Variants in PCDH11X observed in about 807,000 individuals in gnomAD.
The protein encoded by PCDH11X is protocadherin 11 X-linked.
A neutral mutation model predicts 53.3 loss-of-function variants in PCDH11X; 18 were observed. That is an observed-to-expected ratio of 0.34 (90% CI 0.23 to 0.50). PCDH11X has a LOEUF of 0.50. PCDH11X is among the 20% of genes least tolerant of loss of function. PCDH11X has a pLI of 0.98. For missense variants in PCDH11X, 570 were observed against 1,032.4 expected (o/e 0.55, Z 6.14); for synonymous variants, 279 against 393.3 (o/e 0.71, Z 3.44).
chrX:92,133,422 A>G (rs1235970896), intron 6 of PCDH11X, among the ~76,000 whole-genome samples: 4 of 111,195 alleles, frequency 3.6e-5, no homozygotes, highest in East Asian at 2.8e-4. Context: ...GCTGGAGTGC[A>G]ATGGGACAAC....
intron 6 of PCDH11X, among the ~76,000 whole-genome samples, chrX:91,929,286 A>T (rs1220903106): frequency 9.0e-6 from 1 of 110,882 alleles, no homozygotes; most frequent in African/African-American, 3.3e-5. Flanking sequence ...TTTACAGTCT[A>T]CCTGACAGTC....
At chrX:92,303,489 A>C (rs1417764282) in intron 8 of PCDH11X, among the ~76,000 whole-genome samples, 1 of 111,315 alleles carries the variant, frequency 9.0e-6, no homozygotes, top group Non-Finnish European at 1.9e-5. Flanking sequence ...CCTCCAACTG[A>C]GGTAAATATA....
At chrX:92,484,452 A>G (rs780491574) in intron 10 of PCDH11X, among the ~76,000 whole-genome samples, 2 of 105,068 alleles carry the variant, frequency 1.9e-5, no homozygotes, top group Admixed American at 2.2e-4. Context: ...CATCCATGCC[A>G]ACATCTATTA....
chrX:92,439,371 C>A (rs1055324087), intron 9 of PCDH11X, among the ~76,000 whole-genome samples: 4 of 110,794 alleles, frequency 3.6e-5, no homozygotes, highest in African/African-American at 1.3e-4. Flanking sequence ...AAAATGTGAC[C>A]TGAATTTGGA....
intron 6 of PCDH11X, among the ~76,000 whole-genome samples, chrX:91,905,751 A>G (rs1464970137): frequency 4.5e-5 from 5 of 111,217 alleles, no homozygotes; most frequent in Non-Finnish European, 9.4e-5. Context: ...TAAGGTATGA[A>G]ATGACACATC....
intron 6 of PCDH11X, among the ~76,000 whole-genome samples, chrX:92,052,978 T>G (rs1268844430): frequency 2.7e-5 from 3 of 111,656 alleles, no homozygotes; most frequent in Non-Finnish European, 5.7e-5. Context: ...AGCAGAAATA[T>G]TTCCTCAGTA....
chrX:92,568,960 C>A (rs1602351718), intron 10 of PCDH11X, among the ~76,000 whole-genome samples: 1 of 111,874 alleles, frequency 8.9e-6, no homozygotes, highest in East Asian at 2.8e-4. Context: ...AAGTTCAATT[C>A]TCTCTCATGT....
At chrX:92,511,051 A>G (rs1488720867) in intron 10 of PCDH11X, among the ~76,000 whole-genome samples, 2 of 111,538 alleles carry the variant, frequency 1.8e-5, no homozygotes, top group Admixed American at 9.6e-5. Context: ...TTAGGAATAG[A>G]AAAGGATGGC....
At chrX:92,282,009 A>G (rs543025205) in intron 8 of PCDH11X, among the ~76,000 whole-genome samples, 1 of 110,786 alleles carries the variant, frequency 9.0e-6, no homozygotes, top group Non-Finnish European at 1.9e-5. Context: ...CTGAATTACT[A>G]TGAGGAAAAT....
chrX:92,382,799 G>A (rs12393062), intron 8 of PCDH11X, among the ~76,000 whole-genome samples: 41,341 of 102,266 alleles, frequency 0.4, 7,805 homozygotes, highest in Non-Finnish European at 0.46. Context: ...TAAAGTCACT[G>A]TTCCAGTCAA....
chrX:91,963,230 T>C (rs1188488387), intron 6 of PCDH11X, among the ~76,000 whole-genome samples: 2 of 111,119 alleles, frequency 1.8e-5, no homozygotes. Flanking sequence ...TCAACATAAG[T>C]TCCAATTCCA....
At chrX:92,271,284 C>T (rs2067951527) in intron 8 of PCDH11X, among the ~76,000 whole-genome samples, 1 of 112,199 alleles carries the variant, frequency 8.9e-6, no homozygotes, top group South Asian at 3.7e-4. Flanking sequence ...AAAATGACAG[C>T]TCTAAAGAAA....
At chrX:92,319,181 G>C (rs2069144750) in intron 8 of PCDH11X, among the ~76,000 whole-genome samples, 1 of 111,335 alleles carries the variant, frequency 9.0e-6, no homozygotes, top group Non-Finnish European at 1.9e-5. Flanking sequence ...CTTTCCTTTT[G>C]TTCATGTTTG....
chrX:92,053,189 T>A (rs192955225), intron 6 of PCDH11X, among the ~76,000 whole-genome samples: 2,031 of 111,322 alleles, frequency 0.018, 51 homozygotes, highest in African/African-American at 0.063. Flanking sequence ...ATTGCCTGTG[T>A]GCTTTATTGC....
At chrX:92,175,776 G>GTGTGTGTGTATA (rs779454685) in intron 6 of PCDH11X, among the ~76,000 whole-genome samples, 1 of 79,278 alleles carries the variant, frequency 1.3e-5, no homozygotes, top group African/African-American at 4.4e-5. Flanking sequence ...GTGTGTGTGT[G>GTGTGTGTGTATA]TATATATATA....
intron 8 of PCDH11X, among the ~76,000 whole-genome samples, chrX:92,312,043 A>G (rs2068962600): frequency 9.0e-6 from 1 of 111,576 alleles, no homozygotes; most frequent in African/African-American, 3.2e-5. Flanking sequence ...TGTAGAGTAA[A>G]TAAGCATTGT....
intron 6 of PCDH11X, among the ~76,000 whole-genome samples, chrX:92,180,680 G>A (rs954434455): frequency 2.7e-5 from 3 of 111,085 alleles, no homozygotes; most frequent in African/African-American, 9.8e-5. Flanking sequence ...AGTCTTTCCC[G>A]TGCTGTTCTT....
At chrX:91,852,813 G>C (rs1938108645) in intron 5 of PCDH11X, among the ~76,000 whole-genome samples, 4 of 107,464 alleles carry the variant, frequency 3.7e-5, no homozygotes, top group Non-Finnish European at 7.7e-5. Flanking sequence ...TGTTTTCTCG[G>C]GTTGCGGTGG....
intron 7 of PCDH11X, among the ~76,000 whole-genome samples, chrX:92,234,565 A>G (rs1187020188): frequency 3.6e-5 from 4 of 111,738 alleles, no homozygotes; most frequent in African/African-American, 1.3e-4. Flanking sequence ...CAAGGGAATT[A>G]TGTGTGTGTA....
Sources: gnomAD v4.1 joint callset for allele counts (sites outside exome capture counted in the v4.1 genomes callset) on GRCh38, gnomAD v4.1.1 for gene constraint, MANE v1.5 for transcripts, NCBI Gene and HGNC (gene_info 2026-07-23, HGNC 2026-07-21) for gene names.